The following DLG1 variants were observed in gnomAD, a reference collection of about 807,000 sequenced individuals.
DLG1 encodes the protein discs large MAGUK scaffold protein 1.
Under a neutral mutation model 123.4 loss-of-function variants are expected in DLG1, and 42 were observed. The observed-to-expected ratio is 0.34, with a 90% CI of 0.27 to 0.44. DLG1 has a LOEUF of 0.44. Among genes scored for constraint, DLG1 ranks in the 20% least tolerant of loss-of-function variants. The pLI, the probability that DLG1 is intolerant of heterozygous loss-of-function variation, is 1.00. For missense variants in DLG1, 942 were observed against 1,082.6 expected (o/e 0.87, Z 1.82); for synonymous variants, 317 against 356.2 (o/e 0.89, Z 1.24).
At chr3:197,266,352 A>G (rs1217978087) in intron 4 of DLG1, among the ~76,000 whole-genome samples, 3 of 152,188 alleles carry the variant, frequency 2.0e-5, no homozygotes, top group African/African-American at 7.2e-5. Context: ...ATGTTTATGA[A>G]GACAGAGAAG....
intron 5 of DLG1, among the ~76,000 whole-genome samples, chr3:197,157,753 A>C (rs1796992520): frequency 6.6e-6 from 1 of 152,188 alleles, no homozygotes; most frequent in Admixed American, 6.5e-5. Context: ...GAAAAAGAAA[A>C]ACAAAGGTGG....
chr3:197,153,382 T>C (rs1489405299), intron 5 of DLG1, among the ~76,000 whole-genome samples: 3 of 152,182 alleles, frequency 2.0e-5, no homozygotes, highest in Non-Finnish European at 4.4e-5. Context: ...AGGTGAACTG[T>C]AGTTAATTTC....
intron 4 of DLG1, among the ~76,000 whole-genome samples, chr3:197,253,105 A>T (rs1755259491): frequency 6.6e-6 from 1 of 152,210 alleles, no homozygotes; most frequent in Non-Finnish European, 1.5e-5. Flanking sequence ...TCCACGAAAG[A>T]TCCTTAAAGA....
intron 12 of DLG1, 143 bp from the exon 13 acceptor site, chr3:197,116,226 C>T (rs947524428): frequency 1.3e-4 from 81 of 628,076 alleles, no homozygotes; most frequent in Non-Finnish European, 1.7e-4. Context: ...TCTAAAACTA[C>T]GAGATAAAGA....
chr3:197,214,113 T>G (rs1732743530), intron 4 of DLG1, among the ~76,000 whole-genome samples: 1 of 152,102 alleles, frequency 6.6e-6, no homozygotes, highest in Admixed American at 6.6e-5. Context: ...AGTAGGGGAA[T>G]GATGGATTAT....
chr3:197,258,359 T>C (rs1274786491), intron 4 of DLG1, among the ~76,000 whole-genome samples: 1 of 139,780 alleles, frequency 7.2e-6, no homozygotes, highest in Non-Finnish European at 1.5e-5. Context: ...AGTCATCACA[T>C]CTCACAACCT....
chr3:197,267,488 G>A (rs189159056), intron 4 of DLG1, among the ~76,000 whole-genome samples: 1 of 152,244 alleles, frequency 6.6e-6, no homozygotes, highest in Non-Finnish European at 1.5e-5. Flanking sequence ...AAGACAGGGG[G>A]AGAAAGCACT....
Position 197,245,405 on chromosome 3 carries a change from G to A in DLG1, c.318+37274C>T, listed in dbSNP as rs183795087. Among the ~76,000 whole-genome samples the A allele has an allele frequency of 5.3e-5, 8 of 152,218 alleles. No homozygotes were observed. In the East Asian group the frequency reaches 1.2e-3, roughly 22 times the overall value. ...TAGGCGGCCTGTTGGGGGTATTTTG[G>A]TATAATCAATTTGGATACTTCGGAG... On this transcript the variant is annotated intron_variant, in intron 4 of 24. Transcript: ENST00000667157.
intron 11 of DLG1, among the ~76,000 whole-genome samples, chr3:197,130,074 G>A (rs1408106752): frequency 1.3e-5 from 2 of 152,156 alleles, no homozygotes; most frequent in African/African-American, 4.8e-5. Flanking sequence ...CTCAATTCAG[G>A]ATTGCCATAA....
chr3:197,086,986 T>G (rs1754768792), intron 15 of DLG1, among the ~76,000 whole-genome samples: 1 of 152,184 alleles, frequency 6.6e-6, no homozygotes, highest in Admixed American at 6.6e-5. Flanking sequence ...TCTTTTAATA[T>G]ATTTGATTCA....
rs1282593386 is a variant in DLG1, at chr3:197,044,022, C to T, written c.*601G>A. The T allele has an allele frequency of 6.6e-6, 1 of 152,080 alleles. No homozygotes were observed. Among genetic ancestry groups the T allele is most frequent in the Non-Finnish European group, 1.5e-5 (1 of 67,994 alleles). 9.4% of individuals were successfully genotyped at this position (152,080 alleles called of 1,614,324 possible). On this transcript the variant is annotated 3_prime_UTR_variant, in exon 25 of 25. Coordinates refer to ENST00000667157, the MANE Select transcript of DLG1 (RefSeq NM_001366207.1). ...AAATGTCCTGGGAAAAAAGAACCGT[C>T]AAATACTAAAAGGCTTTAAGAATGT...
intron 4 of DLG1, among the ~76,000 whole-genome samples, chr3:197,255,053 T>C (rs1756217679): frequency 1.3e-5 from 2 of 151,538 alleles, no homozygotes; most frequent in Admixed American, 1.3e-4. Context: ...CGAGATTCTG[T>C]CTCAAAAAAA....
In DLG1 at chr3:197,278,738, T is replaced by TA. The variant is rs553884626; in HGVS notation, c.318+3940dup. 5.2e-4 allele frequency among the ~76,000 whole-genome samples: 75 copies of TA among 143,286 alleles called. 1 individual carries two copies. The highest frequency in any genetic ancestry group is 3.9e-3 in the South Asian group (18 of 4,564). 94.0% of individuals were successfully genotyped at this position (143,286 alleles called of 152,430 possible). A position where few individuals can be genotyped will look rare whatever the true frequency, so the allele number is the denominator to read the frequency against. Reference sequence around the variant, plus strand: ...CTGGCAAGAATTAGATCAGTGAACTTAAAAAAAAAAAAGACAAAACTGGAT... The same window carrying TA: ...CTGGCAAGAATTAGATCAGTGAACTTAAAAAAAAAAAAAGACAAAACTGGAT... On this transcript the variant is annotated intron_variant, in intron 4 of 24. Coordinates refer to ENST00000667157, the MANE Select transcript of DLG1 (RefSeq NM_001366207.1).
chr3:197,197,995 A>G (rs1285995599), intron 4 of DLG1, among the ~76,000 whole-genome samples: 2 of 152,178 alleles, frequency 1.3e-5, no homozygotes, highest in East Asian at 3.8e-4. Context: ...AATTAACCAA[A>G]ACTTAAATAT....
intron 2 of DLG1, 88 bp downstream of exon 2, chr3:197,297,098 A>G: frequency 6.9e-7 from 1 of 1,439,374 alleles, no homozygotes; most frequent in Admixed American, 1.7e-5. Context: ...CATCAAAGTT[A>G]CACAAACGAT....
chr3:197,136,989 T>C (rs1415865480), intron 9 of DLG1, among the ~76,000 whole-genome samples: 1 of 152,224 alleles, frequency 6.6e-6, no homozygotes, highest in Non-Finnish European at 1.5e-5. Context: ...TAATTATGCT[T>C]ACCTACACTT....
chr3:197,087,622 G>A (rs1755192059), intron 15 of DLG1, among the ~76,000 whole-genome samples: 1 of 152,252 alleles, frequency 6.6e-6, no homozygotes, highest in African/African-American at 2.4e-5. Flanking sequence ...AAAGAGAGAA[G>A]ACAACAGGGG....
chr3:197,057,786 T>C (rs1732818733), intron 23 of DLG1, among the ~76,000 whole-genome samples: 1 of 152,164 alleles, frequency 6.6e-6, no homozygotes, highest in Non-Finnish European at 1.5e-5. Flanking sequence ...TGTAGTCATA[T>C]CCTCTTTGTC....
chr3:197,088,740 T>C (rs1755911821), intron 15 of DLG1, among the ~76,000 whole-genome samples: 1 of 152,326 alleles, frequency 6.6e-6, no homozygotes, highest in South Asian at 2.1e-4. Context: ...TGTGAAAAAC[T>C]CTACAGTGGT....
Sources: allele counts gnomAD v4.1 joint callset (sites outside exome capture counted in the v4.1 genomes callset), GRCh38; gene constraint gnomAD v4.1.1; transcripts MANE v1.5; gene names NCBI Gene and HGNC (gene_info 2026-07-23, HGNC 2026-07-21).